Variants in TENM2 observed in about 807,000 individuals in gnomAD.
TENM2 encodes teneurin transmembrane protein 2, also known as teneurin-2.
A neutral mutation model predicts 245.2 loss-of-function variants in TENM2; 52 were observed. The observed-to-expected ratio is 0.21, with a 90% CI of 0.17 to 0.27. The LOEUF is 0.27. Among genes scored for constraint, TENM2 ranks in the 10% least tolerant of loss-of-function variants. TENM2 has a pLI of 1.00. For synonymous variants in TENM2, 1,363 were observed against 1,438.9 expected (o/e 0.95, Z 1.19); for missense variants, 3,046 against 3,666.8 (o/e 0.83, Z 4.37).
intron 12 of TENM2, among the ~76,000 whole-genome samples, chr5:168,147,750 G>A (rs1220407791): frequency 6.6e-6 from 1 of 152,144 alleles, no homozygotes. Context: ...AATCAAGCAG[G>A]CATGCACAGC....
intron 2 of TENM2, among the ~76,000 whole-genome samples, chr5:167,850,305 G>A (rs1393821277): frequency 1.3e-5 from 2 of 152,162 alleles, no homozygotes; most frequent in Non-Finnish European, 2.9e-5. Context: ...CCATTACTGT[G>A]CACACCACAT....
chr5:168,162,624 C>T (rs779298915), exon 13 of TENM2: 2 of 1,613,998 alleles, frequency 1.2e-6, no homozygotes, highest in South Asian at 2.2e-5. Flanking sequence ...GCTGCCCTGA[C>T]TTGTGCAACG....
chr5:168,134,663 G>A (rs1754890411), intron 12 of TENM2, among the ~76,000 whole-genome samples: 1 of 152,042 alleles, frequency 6.6e-6, no homozygotes, highest in South Asian at 2.1e-4. Flanking sequence ...CTCCAGCCTG[G>A]GCAACAAGAG....
chr5:167,743,896 C>G (rs1031347614), intron 2 of TENM2, among the ~76,000 whole-genome samples: 2 of 152,188 alleles, frequency 1.3e-5, no homozygotes, highest in Non-Finnish European at 2.9e-5. Context: ...GGGCAACATT[C>G]CTACCTCATT....
At chr5:167,555,273 T>C (rs1773197474) in intron 2 of TENM2, among the ~76,000 whole-genome samples, 1 of 152,194 alleles carries the variant, frequency 6.6e-6, no homozygotes, top group South Asian at 2.1e-4. Flanking sequence ...TTAAAAATAG[T>C]TTTGACGAAT....
chr5:167,732,142 T>G lies in TENM2; in HGVS notation c.503-143844T>G, dbSNP rs975193525. Among the ~76,000 whole-genome samples the G allele has an allele frequency of 8.5e-5, 13 of 152,222 alleles. 1 individual carries two copies. The highest frequency in any genetic ancestry group is 2.0e-4 in the Admixed American group (3 of 15,270). On this transcript the variant is annotated intron_variant, in intron 2 of 28. Coordinates refer to ENST00000518659, the Ensembl canonical transcript of TENM2. ...AACTGAGCTCTGAATCCACAAAAAC[T>G]GAAATTTTTGAATTCCAATTAGGTG...
At chr5:167,850,491 G>A (rs957855912) in intron 2 of TENM2, among the ~76,000 whole-genome samples, 3 of 152,108 alleles carry the variant, frequency 2.0e-5, no homozygotes, top group Admixed American at 2.0e-4. Context: ...TAGAATATAA[G>A]GCAGAGAGAG....
chr5:168,057,381 C>T (rs764038300), intron 6 of TENM2, among the ~76,000 whole-genome samples: 3 of 151,982 alleles, frequency 2.0e-5, no homozygotes, highest in Non-Finnish European at 4.4e-5. Flanking sequence ...AATGATCCTC[C>T]TGACCCACTC....
intron 13 of TENM2, among the ~76,000 whole-genome samples, chr5:168,190,016 T>C (rs1760804988): frequency 6.6e-6 from 1 of 152,206 alleles, no homozygotes; most frequent in Non-Finnish European, 1.5e-5. Context: ...GTTTTTGTTT[T>C]TATTTTCCCA....
intron 2 of TENM2, among the ~76,000 whole-genome samples, chr5:167,577,988 T>C (rs1177801723): frequency 1.3e-5 from 2 of 152,034 alleles, no homozygotes; most frequent in East Asian, 3.9e-4. Flanking sequence ...CACAAAATAA[T>C]CCCCATCAGC....
At chr5:167,014,300 G>T in the TENM2 span, among the ~76,000 whole-genome samples, 1 of 152,038 alleles carries the variant, frequency 6.6e-6, no homozygotes, top group Non-Finnish European at 1.5e-5. Flanking sequence ...CAACAGAGCA[G>T]AAGATTTTAG....
intron 3 of TENM2, among the ~76,000 whole-genome samples, chr5:167,878,763 G>A (rs1345277623): frequency 1.3e-5 from 2 of 152,186 alleles, no homozygotes; most frequent in Non-Finnish European, 2.9e-5. Context: ...TTTGAACTGA[G>A]TCTGATAAAA....
intron 2 of TENM2, among the ~76,000 whole-genome samples, chr5:167,802,340 CA>C (rs1173166189): frequency 6.6e-6 from 1 of 152,154 alleles, no homozygotes; most frequent in Non-Finnish European, 1.5e-5. Context: ...ATTTTCTTCC[CA>C]CTTAACACAT....
the TENM2 span, among the ~76,000 whole-genome samples, chr5:167,225,492 C>T: frequency 6.6e-6 from 1 of 151,966 alleles, no homozygotes; most frequent in Admixed American, 6.6e-5. Flanking sequence ...GTTAGACCAT[C>T]CTTGAATCCC....
chr5:168,123,403 G>T (rs1354425907), intron 10 of TENM2, among the ~76,000 whole-genome samples: 1 of 152,192 alleles, frequency 6.6e-6, no homozygotes, highest in Admixed American at 6.5e-5. Context: ...ACAGAAAGCT[G>T]AGACCCTGAG....
chr5:168,062,361 A>G (rs1790121354), intron 7 of TENM2, 96 bp downstream of exon 9: 3 of 956,348 alleles, frequency 3.1e-6, no homozygotes, highest in Non-Finnish European at 4.7e-6. Context: ...TACAATGCCT[A>G]TAATTAAAAG....
At chr5:167,746,502 T>C (rs1257155633) in intron 2 of TENM2, among the ~76,000 whole-genome samples, 1 of 152,128 alleles carries the variant, frequency 6.6e-6, no homozygotes, top group African/African-American at 2.4e-5. Context: ...GTCAGCATAA[T>C]GGGATGACCA....
At chr5:168,076,389 C>T (rs1177186720) in intron 7 of TENM2, among the ~76,000 whole-genome samples, 1 of 151,856 alleles carries the variant, frequency 6.6e-6, no homozygotes, top group Admixed American at 6.6e-5. Flanking sequence ...CCACACCCGA[C>T]TAATTTTGGT....
intron 2 of TENM2, among the ~76,000 whole-genome samples, chr5:167,775,300 C>T (rs1429779849): frequency 6.6e-6 from 1 of 152,144 alleles, no homozygotes; most frequent in Non-Finnish European, 1.5e-5. Context: ...CACCTTGAAA[C>T]CAGTAAGCAG....
Sources: gnomAD v4.1 joint callset for allele counts (sites outside exome capture counted in the v4.1 genomes callset) on GRCh38, gnomAD v4.1.1 for gene constraint, MANE v1.5 for transcripts, NCBI Gene and HGNC (gene_info 2026-07-23, HGNC 2026-07-21) for gene names.